Variants in SOX5 observed in about 807,000 individuals in gnomAD.
The protein encoded by SOX5 is transcription factor SOX-5.
Under a neutral mutation model 92.0 loss-of-function variants are expected in SOX5, and 9 were observed. That is an observed-to-expected ratio of 0.10 (90% CI 0.06 to 0.17). The LOEUF is 0.17. SOX5 is among the 10% of genes least tolerant of loss of function. SOX5 has a pLI of 1.00. For synonymous variants in SOX5, 344 were observed against 336.3 expected (o/e 1.02, Z -0.25); for missense variants, 642 against 944.5 (o/e 0.68, Z 4.20).
At chr12:23,577,146 T>C (rs1204616100) in intron 9 of SOX5, among the ~76,000 whole-genome samples, 2 of 113,234 alleles carry the variant, frequency 1.8e-5, no homozygotes, top group Non-Finnish European at 3.7e-5. Context: ...TTTATATATA[T>C]ATATACACAC....
intron 12 of SOX5, among the ~76,000 whole-genome samples, chr12:23,544,070 G>A (rs1942659676): frequency 6.6e-6 from 1 of 152,168 alleles, no homozygotes; most frequent in Non-Finnish European, 1.5e-5. Flanking sequence ...GTTTCTTAAG[G>A]AGTCTACAGT....
At chr12:23,597,351 C>G (rs534779043) in intron 9 of SOX5, among the ~76,000 whole-genome samples, 1 of 152,242 alleles carries the variant, frequency 6.6e-6, no homozygotes, top group East Asian at 1.9e-4. Context: ...GACCAACCCT[C>G]AACTTTCTGC....
At chr12:23,927,334 A>T (rs773599518) in intron 1 of SOX5, among the ~76,000 whole-genome samples, 22 of 152,138 alleles carry the variant, frequency 1.4e-4, no homozygotes, top group Non-Finnish European at 2.6e-4. Flanking sequence ...ATACCATTTT[A>T]CTAAAGCCAC....
chr12:23,970,841 A>ATATTTTTTTTTTTTTTTT lies in SOX5; in HGVS notation c.-1-74818_-1-74817insAAAAAAAAAAAAAAAATA. On this transcript the variant is annotated intron_variant, in intron 4 of 4. Coordinates refer to the SOX5 transcript ENST00000446891. ...ACATGGGACTTTATATATATATATAATTTTTTTTTTTTTTTAAGAAATGGG... is the reference window on the plus strand; with the variant it reads ...ACATGGGACTTTATATATATATATAATATTTTTTTTTTTTTTTTTTTTTTTTTTTTTTTAAGAAATGGG... Among the ~76,000 whole-genome samples, 30 of 21,880 alleles carry ATATTTTTTTTTTTTTTTT rather than the reference A, an allele frequency of 1.4e-3. 4 individuals carry two copies. The highest frequency in any genetic ancestry group is 2.8e-3 in the Non-Finnish European group (27 of 9,708). 14.4% of individuals were successfully genotyped at this position (21,880 alleles called of 152,430 possible).
chr12:23,891,700 T>G (rs1331110022), intron 2 of SOX5, among the ~76,000 whole-genome samples: 1 of 152,174 alleles, frequency 6.6e-6, no homozygotes, highest in African/African-American at 2.4e-5. Flanking sequence ...GAGAATGTAT[T>G]TCCTTACAGA....
chr12:24,330,861 T>C (rs1313489372), intron 2 of SOX5, among the ~76,000 whole-genome samples: 2 of 152,116 alleles, frequency 1.3e-5, no homozygotes, highest in Non-Finnish European at 2.9e-5. Flanking sequence ...AACCAAACAC[T>C]GAAGAATCAA....
chr12:23,759,010 A>AACACACACACACACAC (rs761303900), intron 3 of SOX5, among the ~76,000 whole-genome samples: 1 of 108,360 alleles, frequency 9.2e-6, no homozygotes, highest in African/African-American at 3.3e-5. Context: ...GGCAACACAA[A>AACACACACACACACAC]ACACACACAC....
chr12:24,533,479 C>T (rs1951366061), intron 1 of SOX5, among the ~76,000 whole-genome samples: 1 of 151,904 alleles, frequency 6.6e-6, no homozygotes, highest in South Asian at 2.1e-4. Context: ...TTTAAATATG[C>T]ATTTAGGGAA....
At chr12:23,919,908 A>C (rs774219500) in intron 1 of SOX5, 3 of 152,222 alleles carry the variant, frequency 2.0e-5, no homozygotes, top group Non-Finnish European at 2.9e-5. Context: ...GACAGTTTGA[A>C]AAATACAGAG....
chr12:23,582,024 G>C, intron 9 of SOX5: 4 of 296,652 alleles, frequency 1.3e-5, no homozygotes, highest in Non-Finnish European at 2.0e-5. Context: ...ATGGGGATGA[G>C]TAAAGGCATT....
At chr12:23,596,341 T>C (rs914594752) in intron 9 of SOX5, among the ~76,000 whole-genome samples, 3 of 152,216 alleles carry the variant, frequency 2.0e-5, no homozygotes, top group Non-Finnish European at 4.4e-5. Context: ...ATATATACTA[T>C]TTTCCATCAA....
intron 2 of SOX5, among the ~76,000 whole-genome samples, chr12:23,890,400 A>G (rs1311877940): frequency 6.6e-6 from 1 of 152,196 alleles, no homozygotes; most frequent in East Asian, 1.9e-4. Flanking sequence ...CTAAGATAAA[A>G]TATGCTTTTT....
chr12:23,808,992 T>C (rs1032857505), intron 3 of SOX5, among the ~76,000 whole-genome samples: 1 of 152,148 alleles, frequency 6.6e-6, no homozygotes, highest in Non-Finnish European at 1.5e-5. Context: ...ATACACATCA[T>C]ATACGTTGTA....
At chr12:24,232,305 G>A (rs1413680730) in intron 3 of SOX5, among the ~76,000 whole-genome samples, 3 of 151,994 alleles carry the variant, frequency 2.0e-5, no homozygotes, top group Non-Finnish European at 2.9e-5. Context: ...TGAAATATGG[G>A]GATAACTCCA....
intron 9 of SOX5, among the ~76,000 whole-genome samples, chr12:23,603,467 T>TAAAATATATATATATATATA (rs1566226312): frequency 2.2e-5 from 2 of 92,046 alleles, no homozygotes; most frequent in East Asian, 3.8e-4. Context: ...TATATATATA[T>TAAAATATATATATATATATA]TTTGCTGGTA....
At chr12:24,117,511 G>C (rs2138258563) in intron 4 of SOX5, among the ~76,000 whole-genome samples, 1 of 152,272 alleles carries the variant, frequency 6.6e-6, no homozygotes, top group East Asian at 1.9e-4. Flanking sequence ...AGGAATGTCT[G>C]CCCTCCCATG....
chr12:23,642,870 G>A (rs1195026929), intron 7 of SOX5, among the ~76,000 whole-genome samples: 2 of 111,382 alleles, frequency 1.8e-5, no homozygotes, highest in African/African-American at 2.7e-5. Context: ...GGCGGATCAC[G>A]AGGTCAGGAG....
At position 24,140,362 on chromosome 12, in the gene SOX5, T is replaced by C. The variant is rs150860947; in HGVS notation, c.-2+72981A>G. Reference sequence around the variant, plus strand: ...TTCTCCCTAAAGGCATGATGAGTGATGTGTTCTTATAGAAAGAATACAAAT... The same window carrying C: ...TTCTCCCTAAAGGCATGATGAGTGACGTGTTCTTATAGAAAGAATACAAAT... On this transcript the variant is annotated intron_variant, in intron 4 of 4. Transcript: ENST00000446891. Among the ~76,000 whole-genome samples the C allele has an allele frequency of 6.0e-3, 913 of 152,304 alleles. 8 individuals carry two copies. The highest frequency in any genetic ancestry group is 0.021 in the African/African-American group (882 of 41,566).
At chr12:24,157,835 C>T (rs1470927784) in intron 4 of SOX5, among the ~76,000 whole-genome samples, 3 of 152,036 alleles carry the variant, frequency 2.0e-5, no homozygotes, top group South Asian at 4.1e-4. Flanking sequence ...AACATGGCGC[C>T]GCACATGGGC....
Sources: allele counts gnomAD v4.1 joint callset (sites outside exome capture counted in the v4.1 genomes callset), GRCh38; gene constraint gnomAD v4.1.1; transcripts MANE v1.5; gene names NCBI Gene and HGNC (gene_info 2026-07-23, HGNC 2026-07-21).